FUT9: variants seen among roughly 807,000 people sequenced by gnomAD.
FUT9 encodes fucosyltransferase 9.
In FUT9, 15 loss-of-function variants were observed where a neutral mutation model predicts 29.7. The observed-to-expected ratio is 0.51, with a 90% CI of 0.34 to 0.78. FUT9 has a LOEUF of 0.78. Ranked by LOEUF, FUT9 falls within the 30% of genes least tolerant of loss-of-function variation. FUT9 has a pLI of 0.01. For synonymous variants in FUT9, 169 were observed against 153.7 expected (o/e 1.10, Z -0.74); for missense variants, 319 against 425.4 (o/e 0.75, Z 2.20).
At chr6:96,120,525 C>T (rs12525437) in intron 2 of FUT9, among the ~76,000 whole-genome samples, 26 of 148,774 alleles carry the variant, frequency 1.7e-4, no homozygotes, top group Admixed American at 1.4e-3. Context: ...CCTCGTGATC[C>T]GCCCGCCTCG....
chr6:96,200,281 A>G (rs1773705277), intron 2 of FUT9, among the ~76,000 whole-genome samples: 1 of 152,194 alleles, frequency 6.6e-6, no homozygotes, highest in Non-Finnish European at 1.5e-5. Context: ...GTTCTTAATT[A>G]CAGAATAAAA....
At chr6:96,033,200 T>C (rs1385769628) in intron 1 of FUT9, among the ~76,000 whole-genome samples, 1 of 151,728 alleles carries the variant, frequency 6.6e-6, no homozygotes, top group African/African-American at 2.4e-5. Flanking sequence ...TTATTTGTTA[T>C]CAGTAGTTTC....
At chr6:96,071,616 C>A (rs1771059842) in intron 1 of FUT9, among the ~76,000 whole-genome samples, 1 of 152,026 alleles carries the variant, frequency 6.6e-6, no homozygotes. Flanking sequence ...GGCTGCAAAT[C>A]TGAATACCTG....
chr6:96,100,797 T>C lies in FUT9; in HGVS notation c.-97-13242T>C, dbSNP rs967421204. On this transcript the variant is annotated intron_variant, in intron 1 of 2. Coordinates refer to ENST00000302103, the MANE Select transcript of FUT9 (RefSeq NM_006581.4). ...GAGTTAAACCTGAGTGTCTATGTTT[T>C]AGAAAGTTATCATTTGTGACAACAC... Among the ~76,000 whole-genome samples, 11 of 152,206 alleles carry C rather than the reference T, an allele frequency of 7.2e-5. 1 individual carries two copies. In the South Asian group the frequency reaches 1.4e-3, roughly 20 times the overall value.
At chr6:96,054,597 T>G (rs1272477984) in intron 1 of FUT9, among the ~76,000 whole-genome samples, 1 of 152,158 alleles carries the variant, frequency 6.6e-6, no homozygotes, top group South Asian at 2.1e-4. Context: ...AAAACATGAA[T>G]ACAATGAATA....
chr6:96,176,134 G>A (rs1488543992), intron 2 of FUT9, among the ~76,000 whole-genome samples: 2 of 152,100 alleles, frequency 1.3e-5, no homozygotes, highest in African/African-American at 4.8e-5. Context: ...GCCTTGGACC[G>A]AGAGTTACAT....
Position 96,212,535 on chromosome 6 carries a change from G to GA in FUT9, c.*8308dup, listed in dbSNP as rs542050258. The GA allele has an allele frequency of 1.1e-4, 45 of 402,602 alleles. No homozygotes were observed. Among genetic ancestry groups the GA allele is most frequent in the Middle Eastern group, 6.5e-4 (1 of 1,534 alleles). The allele number at this position is 402,602 out of a possible 1,614,324, so 24.9% of individuals were successfully genotyped here. ...TGAGAACAAGATTTTACTTAGAAGG[G>GA]AAAAAAAAGAACTTTCAGCTTAATC... On this transcript the variant is annotated 3_prime_UTR_variant, in exon 3 of 3. Coordinates refer to ENST00000302103, the MANE Select transcript of FUT9 (RefSeq NM_006581.4).
Position 96,203,137 on chromosome 6 carries a change from C to T in FUT9, c.-8-11C>T. On this transcript the variant is annotated splice_polypyrimidine_tract_variant and intron_variant, in intron 2 of 2. Coordinates refer to ENST00000302103, the MANE Select transcript of FUT9 (RefSeq NM_006581.4). ...CCGCTACCTCCCCTTCTGTCTTTCT[C>T]TATTTCGTAGGAAAAATTATGACAT... 6.4e-7 allele frequency: 1 copy of T among 1,570,708 alleles called. No homozygotes were observed. The highest frequency in any genetic ancestry group is 8.7e-7 in the Non-Finnish European group (1 of 1,153,498).
intron 2 of FUT9, among the ~76,000 whole-genome samples, chr6:96,126,600 G>T (rs1772138322): frequency 6.6e-6 from 1 of 152,296 alleles, no homozygotes; most frequent in Admixed American, 6.5e-5. Context: ...TCAATTACAT[G>T]CAATGAGTTG....
intron 1 of FUT9, among the ~76,000 whole-genome samples, chr6:96,034,937 T>C (rs1329481902): frequency 6.6e-6 from 1 of 151,764 alleles, no homozygotes; most frequent in Non-Finnish European, 1.5e-5. Context: ...GTTTGGGAAC[T>C]ACAAGGTATC....
chr6:96,106,416 A>G (rs1477585183), intron 1 of FUT9, among the ~76,000 whole-genome samples: 2 of 152,126 alleles, frequency 1.3e-5, no homozygotes, highest in Non-Finnish European at 2.9e-5. Context: ...TGTTATTGCC[A>G]TAGACAAAAA....
chr6:96,178,485 G>A (rs182396681), intron 2 of FUT9, among the ~76,000 whole-genome samples: 2 of 151,986 alleles, frequency 1.3e-5, no homozygotes, highest in Non-Finnish European at 2.9e-5. Context: ...AAGGCTATAA[G>A]ACTAGATGTT....
At chr6:96,075,523 A>G (rs1771129444) in intron 1 of FUT9, among the ~76,000 whole-genome samples, 1 of 152,334 alleles carries the variant, frequency 6.6e-6, no homozygotes, top group African/African-American at 2.4e-5. Context: ...GGTTTGACAT[A>G]TATACAAACT....
chr6:96,127,171 A>G (rs1772148506), intron 2 of FUT9, among the ~76,000 whole-genome samples: 1 of 152,072 alleles, frequency 6.6e-6, no homozygotes, highest in South Asian at 2.1e-4. Context: ...TAGTTTTTCA[A>G]TCCTCACCCT....
chr6:96,139,798 G>C (rs568271690), intron 2 of FUT9, among the ~76,000 whole-genome samples: 1 of 152,274 alleles, frequency 6.6e-6, no homozygotes, highest in Admixed American at 6.5e-5. Flanking sequence ...TGAAGCAGCT[G>C]AGATGCAGGG....
At chr6:96,131,771 C>G (rs1772249168) in intron 2 of FUT9, among the ~76,000 whole-genome samples, 1 of 151,812 alleles carries the variant, frequency 6.6e-6, no homozygotes, top group South Asian at 2.1e-4. Flanking sequence ...AAAGAAGTAT[C>G]CTTTTTTTCT....
chr6:96,108,548 G>A (rs941573753), intron 1 of FUT9, among the ~76,000 whole-genome samples: 7 of 152,158 alleles, frequency 4.6e-5, no homozygotes, highest in South Asian at 4.2e-4. Flanking sequence ...TATTATTAGC[G>A]TTAATGAGAA....
intron 1 of FUT9, among the ~76,000 whole-genome samples, chr6:96,098,049 TAA>T (rs1268418713): frequency 6.6e-6 from 1 of 151,972 alleles, no homozygotes; most frequent in African/African-American, 2.4e-5. Flanking sequence ...GCTATTTGTC[TAA>T]GTTATTGCCT....
chr6:96,172,036 C>T (rs968185582), intron 2 of FUT9, among the ~76,000 whole-genome samples: 1 of 152,124 alleles, frequency 6.6e-6, no homozygotes, highest in African/African-American at 2.4e-5. Flanking sequence ...AAATTTATTT[C>T]TAAGAGTTCC....
Sources: allele counts gnomAD v4.1 joint callset (sites outside exome capture counted in the v4.1 genomes callset), GRCh38; gene constraint gnomAD v4.1.1; transcripts MANE v1.5; gene names NCBI Gene and HGNC (gene_info 2026-07-23, HGNC 2026-07-21).